RGPD2: variants seen among roughly 807,000 people sequenced by gnomAD.
RGPD2 encodes the protein RANBP2-like and GRIP domain-containing protein 2.
Under a neutral mutation model 36.0 loss-of-function variants are expected in RGPD2, and 2 were observed. That is an observed-to-expected ratio of 0.06 (90% CI 0.02 to 0.17). RGPD2 has a LOEUF of 0.17. Among genes scored for constraint, RGPD2 ranks in the 10% least tolerant of loss-of-function variants. RGPD2 has a pLI of 1.00. For synonymous variants in RGPD2, 19 were observed against 163.8 expected, an observed-to-expected ratio of 0.12 and a Z score of 6.75; for missense variants, 40 against 464.3, an observed-to-expected ratio of 0.09 and a Z score of 8.40.
chr2:87,825,725 C>T lies in RGPD2; in HGVS notation c.5G>A (p.Arg2Lys). ...CCGCTCCCCGTAGGCTTTGCTGCGC[C>T]TCATCGCACCGCCAACCTGGCTCCC... MRRSKAYGERYL... is the reference protein window; with the variant it reads MKRSKAYGERYL... The change falls in exon 1 of 23, where the codon AGG (arginine) becomes AAG (lysine). Residue 2 changes from arginine to lysine, a missense_variant. Arg to Lys is a conservative substitution (Grantham distance 26). Transcript: ENST00000398146. 1 of 1,599,670 alleles carries T rather than the reference C, an allele frequency of 6.3e-7. No homozygotes were observed.
the RGPD2 span, among the ~76,000 whole-genome samples, chr2:87,927,768 A>C: frequency 6.6e-6 from 1 of 151,408 alleles, no homozygotes; most frequent in Non-Finnish European, 1.5e-5. Context: ...ATCAAAGCAC[A>C]TAGAGCCAGT....
the RGPD2 span, among the ~76,000 whole-genome samples, chr2:87,878,662 T>A: frequency 6.6e-6 from 1 of 152,260 alleles, no homozygotes; most frequent in Non-Finnish European, 1.5e-5. Context: ...TGCTGTGCAG[T>A]TGAACATCAG....
intron 22 of RGPD2, among the ~76,000 whole-genome samples, chr2:87,771,880 G>A (rs1685134664): frequency 6.6e-6 from 1 of 151,290 alleles, no homozygotes; most frequent in Non-Finnish European, 1.5e-5. Flanking sequence ...ACCACGTTCA[G>A]CTGAACACCA....
At chr2:87,922,290 C>T in the RGPD2 span, among the ~76,000 whole-genome samples, 1 of 75,748 alleles carries the variant, frequency 1.3e-5, no homozygotes, top group Non-Finnish European at 2.3e-5. Context: ...TAGACTTCGT[C>T]TCAAAAAAAA....
At chr2:87,869,084 G>T in the RGPD2 span, among the ~76,000 whole-genome samples, 2 of 151,910 alleles carry the variant, frequency 1.3e-5, no homozygotes, top group Non-Finnish European at 2.9e-5. Flanking sequence ...TCAAGTTTAA[G>T]GTATCTGAAA....
the RGPD2 span, among the ~76,000 whole-genome samples, chr2:87,896,992 G>A: frequency 6.6e-6 from 1 of 152,250 alleles, no homozygotes; most frequent in Non-Finnish European, 1.5e-5. Flanking sequence ...AGATAACACT[G>A]TTGTTTTGTG....
the RGPD2 span, among the ~76,000 whole-genome samples, chr2:87,915,359 ATATATATATGTATATTATATATATTG>A: frequency 8.2e-5 from 6 of 73,572 alleles, 1 homozygote; most frequent in Non-Finnish European, 1.9e-4. Flanking sequence ...TATATATATT[ATATATATATGTATATTATATATATTG>A]TATATATATG....
chr2:87,830,351 A>G (rs1464524654), upstream of RGPD2, among the ~76,000 whole-genome samples: 1 of 152,236 alleles, frequency 6.6e-6, no homozygotes, highest in African/African-American at 2.4e-5. Flanking sequence ...TCCCAGCAAG[A>G]TCACCATCTA....
the RGPD2 span, among the ~76,000 whole-genome samples, chr2:87,940,584 A>C: frequency 7.1e-6 from 1 of 140,136 alleles, no homozygotes; most frequent in African/African-American, 2.5e-5. Context: ...TTGGTGGATA[A>C]AATTATACAA....
At chr2:87,929,468 GT>G in the RGPD2 span, among the ~76,000 whole-genome samples, 59 of 105,196 alleles carry the variant, frequency 5.6e-4, no homozygotes, top group Admixed American at 2.3e-3. Flanking sequence ...CTCCAGCTTT[GT>G]TTTTTTTGTG....
the RGPD2 span, among the ~76,000 whole-genome samples, chr2:87,882,335 A>G: frequency 6.6e-6 from 1 of 152,252 alleles, no homozygotes; most frequent in Admixed American, 6.5e-5. Context: ...GGTTTTCCCA[A>G]CAGCATTTAT....
chr2:87,902,277 C>A, the RGPD2 span, among the ~76,000 whole-genome samples: 2 of 152,264 alleles, frequency 1.3e-5, no homozygotes, highest in Non-Finnish European at 2.9e-5. Flanking sequence ...ATTTGGGGAT[C>A]TAGAGTTGGA....
At chr2:87,834,564 T>C in the RGPD2 span, among the ~76,000 whole-genome samples, 1 of 151,968 alleles carries the variant, frequency 6.6e-6, no homozygotes, top group Non-Finnish European at 1.5e-5. Flanking sequence ...TAACAAACAA[T>C]TGGAAAGATT....
chr2:87,877,525 C>T, the RGPD2 span, among the ~76,000 whole-genome samples: 1 of 152,014 alleles, frequency 6.6e-6, no homozygotes, highest in Non-Finnish European at 1.5e-5. Context: ...TATTGACAGC[C>T]AGGCGCAGTG....
At chr2:87,973,458 C>T in the RGPD2 span, among the ~76,000 whole-genome samples, 3 of 133,126 alleles carry the variant, frequency 2.3e-5, no homozygotes, top group African/African-American at 8.1e-5. Context: ...GGCTGTCTTC[C>T]AGTGAAGGGG....
At chr2:87,839,480 C>T in the RGPD2 span, among the ~76,000 whole-genome samples, 15 of 152,004 alleles carry the variant, frequency 9.9e-5, no homozygotes, top group Non-Finnish European at 1.3e-4. Flanking sequence ...CACATGCACT[C>T]ATATGTTCTT....
the RGPD2 span, among the ~76,000 whole-genome samples, chr2:87,837,442 A>T: frequency 8.4e-6 from 1 of 118,638 alleles, no homozygotes; most frequent in Non-Finnish European, 1.7e-5. Context: ...AATTACATTA[A>T]AATTAAACAA....
chr2:87,940,141 C>T, the RGPD2 span, among the ~76,000 whole-genome samples: 1 of 151,806 alleles, frequency 6.6e-6, no homozygotes, highest in East Asian at 1.9e-4. Flanking sequence ...GAAGGAAAGA[C>T]AAACAAAAAC....
chr2:87,830,779 A>T (rs1290797279), upstream of RGPD2, among the ~76,000 whole-genome samples: 3 of 152,178 alleles, frequency 2.0e-5, no homozygotes, highest in Non-Finnish European at 4.4e-5. Context: ...ACTGCCCTTT[A>T]TAAAACCATC....
Sources: gnomAD v4.1 joint callset for allele counts (sites outside exome capture counted in the v4.1 genomes callset) on GRCh38, gnomAD v4.1.1 for gene constraint, MANE v1.5 for transcripts, NCBI Gene and HGNC (gene_info 2026-07-23, HGNC 2026-07-21) for gene names.